The following TMED10 variants were observed in gnomAD, a reference collection of about 807,000 sequenced individuals.
TMED10 encodes transmembrane p24 trafficking protein 10.
A neutral mutation model predicts 23.1 loss-of-function variants in TMED10; 7 were observed. That is an observed-to-expected ratio of 0.30 (90% CI 0.17 to 0.57). TMED10 has a LOEUF of 0.57. Among genes scored for constraint, TMED10 ranks in the 20% least tolerant of loss-of-function variants. TMED10 has a pLI of 0.91. For missense variants in TMED10, 162 were observed against 274.8 expected (o/e 0.59, Z 2.90); for synonymous variants, 113 against 106.9 (o/e 1.06, Z -0.35).
At chr14:75,174,721 G>T (rs1047237794) in intron 1 of TMED10, among the ~76,000 whole-genome samples, 13 of 152,062 alleles carry the variant, frequency 8.5e-5, no homozygotes, top group African/African-American at 3.1e-4. Context: ...ATAAGTTATG[G>T]TCTTATTATA....
At chr14:75,162,988 A>C (rs1896102315) in intron 1 of TMED10, among the ~76,000 whole-genome samples, 1 of 151,988 alleles carries the variant, frequency 6.6e-6, no homozygotes, top group Admixed American at 6.6e-5. Context: ...TAACGCCAGC[A>C]CTTTAGGAGG....
chr14:75,145,679 C>T (rs371305267), intron 3 of TMED10, among the ~76,000 whole-genome samples: 1 of 152,016 alleles, frequency 6.6e-6, no homozygotes, highest in African/African-American at 2.4e-5. Context: ...CCCAGCTACT[C>T]GGGAGGCTGA....
chr14:75,170,150 C>T (rs977923757), intron 1 of TMED10, among the ~76,000 whole-genome samples: 2 of 152,050 alleles, frequency 1.3e-5, no homozygotes, highest in East Asian at 3.9e-4. Flanking sequence ...TGGTGTGAAC[C>T]CCGGGGAGCA....
intron 1 of TMED10, among the ~76,000 whole-genome samples, chr14:75,153,979 C>T (rs1206784293): frequency 2.0e-5 from 3 of 150,470 alleles, no homozygotes; most frequent in East Asian, 2.1e-4. Context: ...CCTGTGTTGG[C>T]CAGGATGGTC....
chr14:75,135,055 G>A, intron 4 of TMED10, 49 bp from the exon 5 acceptor site: 5 of 1,607,604 alleles, frequency 3.1e-6, no homozygotes, highest in Non-Finnish European at 4.3e-6. Flanking sequence ...AGCCTCCTCA[G>A]CTGGCTAAAC....
At chr14:75,139,110 G>T (rs775530836) in intron 3 of TMED10, 49 of 450,350 alleles carry the variant, frequency 1.1e-4, no homozygotes, top group Admixed American at 2.2e-4. Context: ...GCTTTCCAGA[G>T]GTAAAGATGC....
chr14:75,150,616 T>C (rs887749238), intron 2 of TMED10, among the ~76,000 whole-genome samples: 2 of 152,246 alleles, frequency 1.3e-5, no homozygotes, highest in African/African-American at 4.8e-5. Context: ...CAGTATTCAG[T>C]ACAGTCACAT....
Position 75,134,772 on chromosome 14 carries a change from G to C in TMED10, c.*113C>G. 1 of 1,455,674 alleles carries C rather than the reference G, an allele frequency of 6.9e-7. No homozygotes were observed. The highest frequency in any genetic ancestry group is 1.4e-5 in the African/African-American group (1 of 71,742). The allele number at this position is 1,455,674 out of a possible 1,614,324, so 90.2% of individuals were successfully genotyped here. On this transcript the variant is annotated 3_prime_UTR_variant, in exon 5 of 5. Transcript: ENST00000303575. ...CACCAAAAGAGATCAGTTCTGGCAA[G>C]AAAGCTCCAACGTGCCTTGATGGTG...
At chr14:75,156,234 G>A (rs1483715755) in intron 1 of TMED10, among the ~76,000 whole-genome samples, 1 of 152,014 alleles carries the variant, frequency 6.6e-6, no homozygotes, top group African/African-American at 2.4e-5. Context: ...AAGGAGAAGG[G>A]CCTTCAGTAT....
intron 1 of TMED10, chr14:75,175,878 A>G (rs1896298864): frequency 5.6e-6 from 1 of 177,932 alleles, no homozygotes; most frequent in Non-Finnish European, 1.2e-5. Context: ...GCATGAACCA[A>G]ATGGTAATAT....
At chr14:75,146,093 A>G (rs991053552) in intron 3 of TMED10, among the ~76,000 whole-genome samples, 104 of 152,332 alleles carry the variant, frequency 6.8e-4, no homozygotes, top group African/African-American at 2.4e-3. Flanking sequence ...TCAAATAAAG[A>G]GGTCTTCTTG....
At chr14:75,168,531 G>A (rs1896191530) in intron 1 of TMED10, among the ~76,000 whole-genome samples, 1 of 152,132 alleles carries the variant, frequency 6.6e-6, no homozygotes, top group Non-Finnish European at 1.5e-5. Context: ...ACCATAATGG[G>A]CCCTGCACAA....
intron 1 of TMED10, among the ~76,000 whole-genome samples, chr14:75,155,838 A>G (rs1896014273): frequency 6.6e-6 from 1 of 152,228 alleles, no homozygotes; most frequent in Non-Finnish European, 1.5e-5. Flanking sequence ...GCATTATCAT[A>G]TTACTAATAG....
At chr14:75,176,227 G>C in intron 1 of TMED10, 128 bp downstream of exon 1, 2 of 1,194,706 alleles carry the variant, frequency 1.7e-6, no homozygotes, top group Non-Finnish European at 2.3e-6. Context: ...TCCACCGCAC[G>C]TCCTTTGCGC....
intron 3 of TMED10, among the ~76,000 whole-genome samples, chr14:75,138,845 GT>G (rs1895787622): frequency 1.3e-5 from 1 of 79,678 alleles, no homozygotes; most frequent in Admixed American, 1.1e-4. Flanking sequence ...TTTTGTTGTT[GT>G]TGTTGTTAAA....
At chr14:75,145,319 TGTC>T (rs1379742783) in intron 3 of TMED10, among the ~76,000 whole-genome samples, 2 of 152,116 alleles carry the variant, frequency 1.3e-5, no homozygotes, top group Admixed American at 6.5e-5. Context: ...CCTTTCCTAA[TGTC>T]TATAAAGTCC....
intron 3 of TMED10, among the ~76,000 whole-genome samples, chr14:75,144,701 A>G (rs1007949874): frequency 6.6e-6 from 1 of 152,248 alleles, no homozygotes; most frequent in African/African-American, 2.4e-5. Flanking sequence ...AAAGATTCCA[A>G]ATCCTCTGGA....
intron 1 of TMED10, among the ~76,000 whole-genome samples, chr14:75,169,601 T>C (rs1896205863): frequency 1.3e-5 from 2 of 151,574 alleles, no homozygotes; most frequent in Non-Finnish European, 2.9e-5. Context: ...GAGGTTGCAG[T>C]GAGCCGAGAT....
chr14:75,147,716 T>C lies in TMED10; in HGVS notation c.359A>G (p.Gln120Arg). The change falls in exon 3 of 5, where the codon CAA (glutamine) becomes CGA (arginine). Residue 120 changes from glutamine to arginine, a missense_variant. Around this residue, in one of 2 missense-constraint regions of TMED10, gnomAD observed 126 missense variants for 239.5 expected, o/e 0.53. Coordinates refer to ENST00000303575, the MANE Select transcript of TMED10 (RefSeq NM_006827.6). ...ATGCTTCATGTCTAGGATCACGAGT[T>C]GGTCAGGTATCCGCCCTGTTCCTGA... is the stretch of plus-strand genomic sequence containing the variant. The part of the protein sequence containing the change: ...ESKGTGRIPD[Q>R]LVILDMKHGV... 1 of 1,614,192 alleles carries C rather than the reference T, an allele frequency of 6.2e-7. No homozygotes were observed. Among genetic ancestry groups the C allele is most frequent in the Non-Finnish European group, 8.5e-7 (1 of 1,180,032 alleles).
Sources: allele counts gnomAD v4.1 joint callset (sites outside exome capture counted in the v4.1 genomes callset), GRCh38; gene constraint gnomAD v4.1.1; regional missense constraint gnomAD v4.1.1; transcripts MANE v1.5; gene names NCBI Gene and HGNC (gene_info 2026-07-23, HGNC 2026-07-21).